The following PPFIA1 variants were observed in gnomAD, a reference collection of about 807,000 sequenced individuals.
PPFIA1 encodes the protein PPFI scaffold protein A1.
Under a neutral mutation model 149.9 loss-of-function variants are expected in PPFIA1, and 25 were observed. The ratio of observed to expected loss-of-function variants is 0.17; its 90% CI spans 0.12 to 0.23. The LOEUF (loss-of-function observed/expected upper bound fraction) is 0.23. PPFIA1 is among the 10% of genes least tolerant of loss of function. The pLI is 1.00. For synonymous variants in PPFIA1, 549 were observed against 552.8 expected (o/e 0.99, Z 0.10); for missense variants, 1,362 against 1,506.5 (o/e 0.90, Z 1.59).
At chr11:70,369,033 G>A (rs187752963) in intron 21 of PPFIA1, among the ~76,000 whole-genome samples, 24 of 148,886 alleles carry the variant, frequency 1.6e-4, no homozygotes, top group Admixed American at 9.5e-4. Context: ...CAAGTGACCC[G>A]CCCACCTCTG....
rs1443524624 is a variant in PPFIA1 at position 70,378,004 on chromosome 11, T to C, written c.3385-26T>C. 5.8e-6 allele frequency: 9 copies of C among 1,546,410 alleles called. No homozygotes were observed. The South Asian group carries it at 9.3e-5, about 16-fold the overall frequency. Reference sequence around the variant, plus strand: ...CTGACCTTTATTTTTTAAATGAATCTTGTTTTTTGTTCCTTAATTTACCAG... The same window carrying C: ...CTGACCTTTATTTTTTAAATGAATCCTGTTTTTTGTTCCTTAATTTACCAG... On this transcript the variant is annotated intron_variant, in intron 25 of 27. Transcript: ENST00000253925.
At chr11:70,367,580 C>A in intron 21 of PPFIA1, 1 of 455,818 alleles carries the variant, frequency 2.2e-6, no homozygotes, top group Admixed American at 2.3e-5. Flanking sequence ...ACTGACATCA[C>A]CTGGTATGTT....
intron 10 of PPFIA1, among the ~76,000 whole-genome samples, chr11:70,333,970 C>T (rs1358934881): frequency 3.9e-5 from 6 of 152,180 alleles, no homozygotes; most frequent in Admixed American, 1.3e-4. Context: ...ACATGCAGGT[C>T]AGAGGCCTGA....
At chr11:70,277,809 G>A (rs1256504347) in intron 2 of PPFIA1, among the ~76,000 whole-genome samples, 1 of 151,970 alleles carries the variant, frequency 6.6e-6, no homozygotes, top group Admixed American at 6.6e-5. Flanking sequence ...TTTCCCTGAA[G>A]AACTTTCTAC....
At position 70,374,827 on chromosome 11, in the gene PPFIA1, A is replaced by G. The variant is rs530289111; in HGVS notation, c.3140-91A>G. On this transcript the variant is annotated intron_variant, in intron 23 of 27. Coordinates refer to ENST00000253925, the MANE Select transcript of PPFIA1 (RefSeq NM_003626.5). ...CTCAGGAGCCGAAGGATTAGGAACC[A>G]TGGTAGGAATCTTTCTCCTGCATTA... is the stretch of plus-strand genomic sequence containing the variant. 6.6e-6 allele frequency: 8 copies of G among 1,208,024 alleles called. No individual in the cohort carries two copies. In the South Asian group the frequency reaches 9.4e-5, roughly 14 times the overall value. 74.8% of individuals were successfully genotyped at this position (1,208,024 alleles called of 1,614,324 possible). A position where few individuals can be genotyped will look rare whatever the true frequency, so the allele number is the denominator to read the frequency against.
chr11:70,370,607 G>A (rs1219200982), intron 21 of PPFIA1, among the ~76,000 whole-genome samples: 2 of 151,880 alleles, frequency 1.3e-5, no homozygotes, highest in African/African-American at 2.4e-5. Context: ...GGCTGGTGTC[G>A]GAACTCCTGA....
rs2057419589 is a variant in PPFIA1 at position 70,374,909 on chromosome 11, C to A, written c.3140-9C>A. 1 of 1,609,192 alleles carries A rather than the reference C, an allele frequency of 6.2e-7. No homozygotes were observed. The highest frequency in any genetic ancestry group is 8.5e-7 in the Non-Finnish European group (1 of 1,178,344). On this transcript the variant is annotated splice_polypyrimidine_tract_variant and intron_variant, in intron 23 of 27. Transcript: ENST00000253925. ...AGCCACTTTTATAATTGTCTTTATT[C>A]TTTTGCAGACGTGCTTGTTTGGAGC... is the stretch of plus-strand genomic sequence containing the variant.
chr11:70,376,480 C>T (rs2057495848), intron 24 of PPFIA1, 52 bp from the exon 25 acceptor site: 2 of 1,525,942 alleles, frequency 1.3e-6, no homozygotes, highest in African/African-American at 1.4e-5. Context: ...TGCTAACACC[C>T]TTCAAATTAG....
intron 13 of PPFIA1, 34 bp downstream of exon 13, chr11:70,338,487 A>G: frequency 1.9e-6 from 3 of 1,556,212 alleles, no homozygotes; most frequent in Non-Finnish European, 2.7e-6. Context: ...CCATATTGTC[A>G]GCACCTGTGG....
chr11:70,356,225 G>T lies in PPFIA1; in HGVS notation c.2553G>T (p.Gln851His). The T allele has an allele frequency of 6.2e-7, 1 of 1,613,710 alleles. No homozygotes were observed. The highest frequency in any genetic ancestry group is 8.5e-7 in the Non-Finnish European group (1 of 1,179,956). Residue 851 changes from glutamine (Q) to histidine (H), a missense_variant, in exon 19 of 28, where the codon CAG (glutamine) becomes CAT (histidine). Physicochemically the swap from Gln to His is conservative, Grantham distance 24 (BLOSUM62 0). Transcript: ENST00000253925. ...TGGGACTTAGCAAATTGGGGGGACA[G>T]GCTGAAAAAAATCGTAAACTTCAAA... ...DALGLSKLGG[Q>H]AEKNRKLQKK...
chr11:70,321,243 T>C (rs1477536240), intron 2 of PPFIA1: 1 of 152,434 alleles, frequency 6.6e-6, no homozygotes, highest in Non-Finnish European at 1.5e-5. Context: ...AATCTGCTGA[T>C]GTCTTGCTTC....
chr11:70,374,793 A>G, intron 23 of PPFIA1, 125 bp from the exon 24 acceptor site: 1 of 828,840 alleles, frequency 1.2e-6, no homozygotes, highest in Admixed American at 2.9e-5. Context: ...AGTGTCTCCC[A>G]GCACTTTTCT....
chr11:70,307,032 A>G (rs2052899980), intron 2 of PPFIA1, among the ~76,000 whole-genome samples: 2 of 152,214 alleles, frequency 1.3e-5, no homozygotes, highest in South Asian at 4.1e-4. Context: ...AGATTCCTGT[A>G]TGATAGGCAA....
At chr11:70,317,586 A>G (rs185265802) in intron 2 of PPFIA1, among the ~76,000 whole-genome samples, 45 of 152,340 alleles carry the variant, frequency 3.0e-4, no homozygotes, top group Non-Finnish European at 5.7e-4. Context: ...CAAATCTAAA[A>G]TCTGGAAGTT....
intron 2 of PPFIA1, among the ~76,000 whole-genome samples, chr11:70,286,780 C>T (rs1318388439): frequency 8.1e-6 from 1 of 123,356 alleles, no homozygotes; most frequent in Non-Finnish European, 1.6e-5. Flanking sequence ...TTTTTTGAGA[C>T]AGGGTCTCAC....
chr11:70,375,099 G>A lies in PPFIA1; in HGVS notation c.3315+6G>A, dbSNP rs1158974070. 1.9e-6 allele frequency: 3 copies of A among 1,574,342 alleles called. No homozygotes were observed. Among genetic ancestry groups the A allele is most frequent in the East Asian group, 2.4e-5 (1 of 42,372 alleles). ...TCCCGACGCAGAACACACAGGTGACGCCAAACCTGTCTGTGTCTGCACTCA... is the reference window on the plus strand; with the variant it reads ...TCCCGACGCAGAACACACAGGTGACACCAAACCTGTCTGTGTCTGCACTCA... On this transcript the variant is annotated splice_donor_region_variant and intron_variant, in intron 24 of 27. Coordinates refer to ENST00000253925, the MANE Select transcript of PPFIA1 (RefSeq NM_003626.5).
In PPFIA1 at chr11:70,370,093, G is replaced by A. The variant is rs192008460; in HGVS notation, c.2866-2122G>A. Among the ~76,000 whole-genome samples, 550 of 152,022 alleles carry A rather than the reference G, an allele frequency of 3.6e-3. 2 individuals carry two copies. Among genetic ancestry groups the A allele is most frequent in the African/African-American group, 0.013 (537 of 41,486 alleles). Reference sequence around the variant, plus strand: ...AGCCTCCCAAGTAGCTGGGATTACAGGCATGTGCCACCATGCCTAGCTAAT... The same window carrying A: ...AGCCTCCCAAGTAGCTGGGATTACAAGCATGTGCCACCATGCCTAGCTAAT... On this transcript the variant is annotated intron_variant, in intron 21 of 27. Transcript: ENST00000253925.
intron 2 of PPFIA1, among the ~76,000 whole-genome samples, chr11:70,320,773 C>T (rs1477719447): frequency 1.3e-5 from 2 of 152,212 alleles, no homozygotes; most frequent in South Asian, 4.2e-4. Context: ...GATAAGGTTT[C>T]CCCATCTAAG....
At chr11:70,344,472 T>A (rs1435994536) in intron 15 of PPFIA1, among the ~76,000 whole-genome samples, 1 of 152,222 alleles carries the variant, frequency 6.6e-6, no homozygotes, top group Non-Finnish European at 1.5e-5. Flanking sequence ...GAAGGGTTGC[T>A]TATCAACCCT....
Sources: allele counts gnomAD v4.1 joint callset (sites outside exome capture counted in the v4.1 genomes callset), GRCh38; gene constraint gnomAD v4.1.1; transcripts MANE v1.5; gene names NCBI Gene and HGNC (gene_info 2026-07-23, HGNC 2026-07-21).